Variants in METTL8 observed in about 807,000 individuals in gnomAD.
METTL8 encodes methyltransferase 8, tRNA N3-cytidine.
In METTL8, 32 loss-of-function variants were observed where a neutral mutation model predicts 48.7. The ratio of observed to expected loss-of-function variants is 0.66; its 90% CI spans 0.50 to 0.88. METTL8 has a LOEUF of 0.88. Ranked by LOEUF, METTL8 falls within the 40% of genes least tolerant of loss-of-function variation. The pLI is 0.00. For synonymous variants in METTL8, 136 were observed against 157.1 expected (o/e 0.87, Z 1.01); for missense variants, 464 against 474.4 (o/e 0.98, Z 0.20).
rs545510498 is a variant in METTL8 at position 171,382,596 on chromosome 2, C to G, written c.143+9447G>C. On this transcript the variant is annotated intron_variant, in intron 2 of 9. Transcript: ENST00000375258. ...GGAGAGACAGCATTAGGACAAATCC[C>G]TAATGCATGCAACGCCTAAAACCTA... is the stretch of plus-strand genomic sequence containing the variant. Among the ~76,000 whole-genome samples, 10 of 152,172 alleles carry G rather than the reference C, an allele frequency of 6.6e-5. No homozygotes were observed. In the South Asian group the frequency reaches 1.5e-3, roughly 22 times the overall value.
rs1686814135 is a variant in METTL8, at chr2:171,375,085, G to A, written c.144-14572C>T. ...GTAATATAGCTTCACATACAGCTTGGGAAGCACATAGGCATTGAAGACGCT... is the reference window on the plus strand; with the variant it reads ...GTAATATAGCTTCACATACAGCTTGAGAAGCACATAGGCATTGAAGACGCT... On this transcript the variant is annotated intron_variant, in intron 2 of 9. Coordinates refer to ENST00000375258, the MANE Select transcript of METTL8 (RefSeq NM_001321154.2). The A allele has an allele frequency of 4.3e-6, 5 of 1,170,292 alleles. No homozygotes were observed. The South Asian group carries it at 4.9e-5, about 11-fold the overall frequency. The allele number at this position is 1,170,292 out of a possible 1,614,324, so 72.5% of individuals were successfully genotyped here. A position where few individuals can be genotyped will look rare whatever the true frequency, so the allele number is the denominator to read the frequency against.
intron 2 of METTL8, among the ~76,000 whole-genome samples, chr2:171,374,573 T>A (rs1686748545): frequency 6.6e-6 from 1 of 152,168 alleles, no homozygotes; most frequent in Non-Finnish European, 1.5e-5. Flanking sequence ...ACTTGTGAAA[T>A]TTTCACCGTA....
chr2:171,394,945 T>C (rs564796307), intron 1 of METTL8, among the ~76,000 whole-genome samples: 1 of 152,326 alleles, frequency 6.6e-6, no homozygotes, highest in South Asian at 2.1e-4. Context: ...TACAGGTAGC[T>C]ATCCAATTAA....
intron 3 of METTL8, among the ~76,000 whole-genome samples, chr2:171,350,367 G>A (rs931756728): frequency 6.6e-6 from 1 of 152,160 alleles, no homozygotes; most frequent in Non-Finnish European, 1.5e-5. Context: ...TATCACTGAT[G>A]GACATTTGGG....
At chr2:171,363,208 T>A (rs1685342260) in intron 2 of METTL8, among the ~76,000 whole-genome samples, 1 of 152,068 alleles carries the variant, frequency 6.6e-6, no homozygotes, top group South Asian at 2.1e-4. Flanking sequence ...CCTAAGTTCC[T>A]GCAGAACAGA....
At chr2:171,328,886 A>C (rs1464550829) in intron 7 of METTL8, among the ~76,000 whole-genome samples, 1 of 152,026 alleles carries the variant, frequency 6.6e-6, no homozygotes, top group Non-Finnish European at 1.5e-5. Context: ...ATGGGGTTTC[A>C]CCATGTTGGC....
At chr2:171,377,664 T>A (rs1285713842) in intron 2 of METTL8, among the ~76,000 whole-genome samples, 1 of 151,998 alleles carries the variant, frequency 6.6e-6, no homozygotes, top group Admixed American at 6.6e-5. Flanking sequence ...ATCAAGGAAA[T>A]GCAAATGAAA....
intron 7 of METTL8, among the ~76,000 whole-genome samples, chr2:171,329,012 G>T (rs57629676): frequency 0.05 from 7,401 of 149,178 alleles, 205 homozygotes; most frequent in African/African-American, 0.072. Flanking sequence ...TTGAGACAAG[G>T]TCTTGCTTTG....
At chr2:171,327,017 A>G (rs1685032562) in intron 7 of METTL8, 2 of 152,158 alleles carry the variant, frequency 1.3e-5, no homozygotes, top group Admixed American at 6.5e-5. Context: ...CAGCTTTCCA[A>G]TCTGAAGCAG....
At chr2:171,343,867 C>T (rs1160503826) in intron 3 of METTL8, among the ~76,000 whole-genome samples, 3 of 152,200 alleles carry the variant, frequency 2.0e-5, no homozygotes, top group Non-Finnish European at 4.4e-5. Context: ...CCGTTTTAAA[C>T]ATGAGTCTGT....
chr2:171,341,555 C>CTT (rs996580789), intron 3 of METTL8, among the ~76,000 whole-genome samples: 1 of 145,280 alleles, frequency 6.9e-6, no homozygotes, highest in African/African-American at 2.5e-5. Flanking sequence ...TTTTTTTTCC[C>CTT]TTTTTTTTTT....
intron 1 of METTL8, among the ~76,000 whole-genome samples, chr2:171,424,650 G>A (rs981767940): frequency 2.0e-5 from 3 of 152,232 alleles, no homozygotes; most frequent in East Asian, 1.9e-4. Context: ...TTTGGAATGG[G>A]TGTATTTACC....
At chr2:171,355,917 G>A (rs1033110982) in intron 3 of METTL8, among the ~76,000 whole-genome samples, 7 of 152,242 alleles carry the variant, frequency 4.6e-5, no homozygotes, top group African/African-American at 1.7e-4. Flanking sequence ...TGCGCTTCCC[G>A]GGTGAGGTGA....
chr2:171,380,392 T>C (rs908523772), intron 2 of METTL8, among the ~76,000 whole-genome samples: 59 of 152,314 alleles, frequency 3.9e-4, no homozygotes, highest in African/African-American at 1.4e-3. Context: ...TTGGAAGTGC[T>C]GACCAGGGCA....
Position 171,425,048 on chromosome 2 carries a change from G to A in METTL8, c.-13+8835C>T, listed in dbSNP as rs138458641. 1.5e-3 allele frequency among the ~76,000 whole-genome samples: 233 copies of A among 152,162 alleles called. 4 individuals carry two copies. The East Asian group carries it at 0.017, about 11-fold the overall frequency. On this transcript the variant is annotated intron_variant, in intron 1 of 9. Transcript: ENST00000375258. ...ATGAGATCTGATGGTTTTATAAGGG[G>A]CTTTTCCTCCACTTTGCTCTGCACT...
chr2:171,350,397 A>G (rs1683773540), intron 3 of METTL8, among the ~76,000 whole-genome samples: 1 of 152,184 alleles, frequency 6.6e-6, no homozygotes. Context: ...AGTCTTTGCT[A>G]CTGTGAATAG....
intron 2 of METTL8, among the ~76,000 whole-genome samples, chr2:171,374,446 C>T (rs191631068): frequency 7.4e-4 from 112 of 152,234 alleles, no homozygotes; most frequent in East Asian, 5.6e-3. Flanking sequence ...TTATTAACTG[C>T]TACATTATTT....
At chr2:171,358,452 T>C (rs1343708181) in intron 3 of METTL8, among the ~76,000 whole-genome samples, 1 of 151,154 alleles carries the variant, frequency 6.6e-6, no homozygotes, top group Admixed American at 6.6e-5. Flanking sequence ...GGTACTGGCA[T>C]AAAAACAGAC....
intron 1 of METTL8, among the ~76,000 whole-genome samples, chr2:171,413,750 T>C (rs557010598): frequency 2.0e-5 from 3 of 152,146 alleles, no homozygotes; most frequent in African/African-American, 2.4e-5. Context: ...ATTAATTTTC[T>C]GGGTGATATG....
Sources: gnomAD v4.1 joint callset for allele counts (sites outside exome capture counted in the v4.1 genomes callset) on GRCh38, gnomAD v4.1.1 for gene constraint, MANE v1.5 for transcripts, NCBI Gene and HGNC (gene_info 2026-07-23, HGNC 2026-07-21) for gene names.